Variants in DPF3 observed in about 807,000 individuals in gnomAD.
The protein encoded by DPF3 is zinc finger protein DPF3.
A neutral mutation model predicts 56.8 loss-of-function variants in DPF3; 18 were observed. The ratio of observed to expected loss-of-function variants is 0.32; its 90% CI spans 0.22 to 0.47. The LOEUF (loss-of-function observed/expected upper bound fraction) is 0.47. Ranked by LOEUF, DPF3 falls within the 20% of genes least tolerant of loss-of-function variation. The pLI is 1.00. For synonymous variants in DPF3, 188 were observed against 180.2 expected (o/e 1.04, Z -0.35); for missense variants, 403 against 488.8 (o/e 0.82, Z 1.65).
At position 72,618,570 on chromosome 14, in the gene DPF3, C is replaced by T. The variant is rs1884228502; in HGVS notation, c.*727G>A. Among the ~76,000 whole-genome samples the T allele has an allele frequency of 6.6e-6, 1 of 152,212 alleles. No individual in the cohort carries two copies. Among genetic ancestry groups the T allele is most frequent in the East Asian group, 1.9e-4 (1 of 5,186 alleles). ...TTGCAAAGTCTCTCCCGATGGATAA[C>T]AAGTACTGACTGGCTATGGCGGGGC... On this transcript the variant is annotated 3_prime_UTR_variant, in exon 11 of 11. Transcript: ENST00000556509.
Position 72,609,154 on chromosome 14 carries a change from G to T in DPF3, c.*10143C>A, listed in dbSNP as rs760261340. On this transcript the variant is annotated 3_prime_UTR_variant, in exon 11 of 11. Coordinates refer to ENST00000556509, the MANE Select transcript of DPF3 (RefSeq NM_001280542.3). Reference sequence around the variant, plus strand: ...AAGATACTAACCACAGCAAGGAAGGGGTAGGGGCTTGTGACTCAGTCTTTG... The same window carrying T: ...AAGATACTAACCACAGCAAGGAAGGTGTAGGGGCTTGTGACTCAGTCTTTG... 6.6e-5 allele frequency among the ~76,000 whole-genome samples: 10 copies of T among 152,224 alleles called. No homozygotes were observed. Among genetic ancestry groups the T allele is most frequent in the Non-Finnish European group, 1.0e-4 (7 of 68,036 alleles).
At chr14:72,717,830 G>A (rs539254076) in intron 5 of DPF3, among the ~76,000 whole-genome samples, 2 of 152,294 alleles carry the variant, frequency 1.3e-5, no homozygotes, top group East Asian at 3.9e-4. Context: ...CCAGCCAAAG[G>A]AAGCCAATCC....
intron 5 of DPF3, among the ~76,000 whole-genome samples, chr14:72,718,771 A>ATTTT (rs766396428): frequency 3.2e-5 from 3 of 93,896 alleles, no homozygotes; most frequent in South Asian, 4.0e-4. Flanking sequence ...CACCCTTGCT[A>ATTTT]TTTTTTTTTT....
intron 1 of DPF3, among the ~76,000 whole-genome samples, chr14:72,781,389 C>A (rs1567230910): frequency 6.6e-6 from 1 of 152,174 alleles, no homozygotes; most frequent in Non-Finnish European, 1.5e-5. Flanking sequence ...ACAAAGGTAT[C>A]CCTTGGGAAA....
chr14:72,736,254 A>T (rs914919901), intron 3 of DPF3, among the ~76,000 whole-genome samples: 2 of 152,210 alleles, frequency 1.3e-5, no homozygotes, highest in African/African-American at 4.8e-5. Context: ...ACATTCTTTT[A>T]TCTGCATTGT....
chr14:72,754,939 C>T (rs1410516745), intron 2 of DPF3, among the ~76,000 whole-genome samples: 1 of 152,198 alleles, frequency 6.6e-6, no homozygotes, highest in African/African-American at 2.4e-5. Context: ...TTCTTAGAAA[C>T]TAGAACTGAC....
intron 1 of DPF3, among the ~76,000 whole-genome samples, chr14:72,880,117 T>C (rs560425174): frequency 9.2e-5 from 14 of 152,276 alleles, no homozygotes; most frequent in African/African-American, 3.4e-4. Flanking sequence ...GAGAAGAGCA[T>C]TCCAGTATAA....
At chr14:72,741,610 G>A (rs752389670) in intron 3 of DPF3, among the ~76,000 whole-genome samples, 1 of 152,226 alleles carries the variant, frequency 6.6e-6, no homozygotes, top group Non-Finnish European at 1.5e-5. Flanking sequence ...GATGATGAGA[G>A]CTAAGTCATG....
At chr14:72,858,962 T>C (rs571687456) in intron 1 of DPF3, among the ~76,000 whole-genome samples, 8 of 152,326 alleles carry the variant, frequency 5.3e-5, no homozygotes, top group African/African-American at 1.9e-4. Context: ...GGTGTATATG[T>C]ATATGTATAT....
intron 1 of DPF3, among the ~76,000 whole-genome samples, chr14:72,844,920 G>A (rs1406887884): frequency 6.6e-6 from 1 of 152,158 alleles, no homozygotes; most frequent in Non-Finnish European, 1.5e-5. Flanking sequence ...AGGAGTTCAA[G>A]ACCAGCCTGG....
chr14:72,688,963 G>A (rs1347528455), intron 7 of DPF3, among the ~76,000 whole-genome samples: 3 of 152,162 alleles, frequency 2.0e-5, no homozygotes, highest in Non-Finnish European at 4.4e-5. Context: ...GGGGACAAAC[G>A]TACAGGAAAC....
chr14:72,813,840 A>G (rs1883169298), intron 1 of DPF3, among the ~76,000 whole-genome samples: 2 of 152,174 alleles, frequency 1.3e-5, no homozygotes, highest in Non-Finnish European at 1.5e-5. Flanking sequence ...GAGGGGCTCC[A>G]TGACGGCTGG....
At chr14:72,698,475 T>G (rs1462170506) in intron 6 of DPF3, among the ~76,000 whole-genome samples, 1 of 152,114 alleles carries the variant, frequency 6.6e-6, no homozygotes, top group African/African-American at 2.4e-5. Context: ...GCCCAGGAGT[T>G]GAAGACCAGC....
At chr14:72,640,174 A>G (rs905178393) in intron 8 of DPF3, among the ~76,000 whole-genome samples, 3 of 151,864 alleles carry the variant, frequency 2.0e-5, no homozygotes, top group African/African-American at 7.3e-5. Flanking sequence ...AGCAGGGAAA[A>G]GAGGAATTGC....
At chr14:72,841,556 T>G (rs1048911730) in intron 1 of DPF3, among the ~76,000 whole-genome samples, 1 of 152,058 alleles carries the variant, frequency 6.6e-6, no homozygotes, top group Non-Finnish European at 1.5e-5. Flanking sequence ...TTTGCAGGGG[T>G]ATAGTGATTT....
In DPF3 at chr14:72,619,121, G is replaced by A. The variant is rs903147445; in HGVS notation, c.*176C>T. ...TGCTGGCTGAAGTTCCGTACATATC[G>A]GGGGAGGTCAGGAGATGCCTCACCC... On this transcript the variant is annotated 3_prime_UTR_variant, in exon 11 of 11. Transcript: ENST00000556509. Among the ~76,000 whole-genome samples, 3 of 152,188 alleles carry A rather than the reference G, an allele frequency of 2.0e-5. No individual in the cohort carries two copies. The highest frequency in any genetic ancestry group is 4.4e-5 in the Non-Finnish European group (3 of 68,030).
chr14:72,763,218 C>A (rs1293471349), intron 2 of DPF3, among the ~76,000 whole-genome samples: 2 of 152,010 alleles, frequency 1.3e-5, no homozygotes, highest in Non-Finnish European at 2.9e-5. Flanking sequence ...CAACCAAACT[C>A]CTAGCCAGTT....
chr14:72,890,373 C>T (rs186004631), intron 1 of DPF3, among the ~76,000 whole-genome samples: 2 of 152,040 alleles, frequency 1.3e-5, no homozygotes, highest in African/African-American at 4.8e-5. Flanking sequence ...CGCCTGTAAT[C>T]CCAGCTACTC....
In DPF3 at chr14:72,829,000, G is replaced by A. The variant is rs146851634; in HGVS notation, c.33-57107C>T. Among the ~76,000 whole-genome samples the A allele has an allele frequency of 5.4e-3, 826 of 152,276 alleles. 2 individuals are homozygous for A. The highest frequency in any genetic ancestry group is 0.017 in the Middle Eastern group (5 of 294). On this transcript the variant is annotated intron_variant, in intron 1 of 10. Coordinates refer to ENST00000556509, the MANE Select transcript of DPF3 (RefSeq NM_001280542.3). The stretch of plus-strand genomic sequence containing the variant: ...TCTCACTTGGGCTTGAGGGGCCCTC[G>A]TCCAATATAGGAGACCAGTAAGAAA...
Sources: allele counts gnomAD v4.1 joint callset (sites outside exome capture counted in the v4.1 genomes callset), GRCh38; gene constraint gnomAD v4.1.1; transcripts MANE v1.5; gene names NCBI Gene and HGNC (gene_info 2026-07-23, HGNC 2026-07-21).